The following MAGI1 variants were observed in gnomAD, a reference collection of about 807,000 sequenced individuals.
The protein encoded by MAGI1 is membrane-associated guanylate kinase, WW and PDZ domain-containing protein 1.
Under a neutral mutation model 139.9 loss-of-function variants are expected in MAGI1, and 58 were observed. The ratio of observed to expected loss-of-function variants is 0.41; its 90% CI spans 0.34 to 0.52. The LOEUF (loss-of-function observed/expected upper bound fraction) is 0.52, where lower values mean the gene tolerates loss of function less well. MAGI1 is among the 20% of genes least tolerant of loss of function. The pLI, the probability that MAGI1 is intolerant of heterozygous loss-of-function variation, is 0.12. For synonymous variants in MAGI1, 812 were observed against 737.9 expected (o/e 1.10, Z -1.63); for missense variants, 1,874 against 1,901.6 (o/e 0.99, Z 0.27).
At chr3:65,976,641 A>AC (rs1196483809) in intron 1 of MAGI1, among the ~76,000 whole-genome samples, 1 of 152,130 alleles carries the variant, frequency 6.6e-6, no homozygotes, top group African/African-American at 2.4e-5. Flanking sequence ...AAACAAACAA[A>AC]AAAAAGACCT....
At chr3:65,779,628 A>C (rs2038768966) in intron 1 of MAGI1, among the ~76,000 whole-genome samples, 1 of 152,238 alleles carries the variant, frequency 6.6e-6, no homozygotes, top group Non-Finnish European at 1.5e-5. Flanking sequence ...TTCCCAGAAA[A>C]ACTCAACTAA....
chr3:65,779,160 C>T (rs1396944704), intron 1 of MAGI1, among the ~76,000 whole-genome samples: 1 of 152,210 alleles, frequency 6.6e-6, no homozygotes, highest in Non-Finnish European at 1.5e-5. Flanking sequence ...ACAGGAATAA[C>T]CACTTAGCCT....
chr3:65,389,505 G>T (rs1456372849), intron 14 of MAGI1, among the ~76,000 whole-genome samples: 2 of 152,178 alleles, frequency 1.3e-5, no homozygotes, highest in East Asian at 3.9e-4. Flanking sequence ...ATTAACTGAA[G>T]TTGGGCCATT....
chr3:65,654,011 A>G (rs530374750), intron 1 of MAGI1, among the ~76,000 whole-genome samples: 12 of 152,286 alleles, frequency 7.9e-5, no homozygotes, highest in Non-Finnish European at 1.5e-4. Flanking sequence ...GTGAACAGGA[A>G]TATCTCTGGA....
At position 65,851,487 on chromosome 3, in the gene MAGI1, G is replaced by A. The variant is rs185640868; in HGVS notation, c.313+186509C>T. Among the ~76,000 whole-genome samples, 10 of 151,918 alleles carry A rather than the reference G, an allele frequency of 6.6e-5. No individual in the cohort carries two copies. In the East Asian group the frequency reaches 1.4e-3, roughly 21 times the overall value. The stretch of plus-strand genomic sequence containing the variant: ...TAGGTTGCCAGGCGCGGTGGCTCAC[G>A]CCTCTAATCCTAGCACTTTGGGAGG... On this transcript the variant is annotated intron_variant, in intron 1 of 22. Coordinates refer to ENST00000402939, the MANE Select transcript of MAGI1 (RefSeq NM_001033057.2).
At chr3:65,470,535 A>AT (rs397705804) in intron 4 of MAGI1, 51 bp from the exon 5 acceptor site, 1 of 1,280,134 alleles carries the variant, frequency 7.8e-7, no homozygotes, top group Non-Finnish European at 1.1e-6. Context: ...AAAAAAAAAA[A>AT]TGGTATTCAG....
chr3:65,833,541 C>T (rs1471217081), intron 1 of MAGI1, among the ~76,000 whole-genome samples: 1 of 152,200 alleles, frequency 6.6e-6, no homozygotes, highest in Non-Finnish European at 1.5e-5. Context: ...TGAACTTTCA[C>T]TGAATGTGCA....
intron 1 of MAGI1, among the ~76,000 whole-genome samples, chr3:65,730,232 G>C (rs1001803128): frequency 6.6e-6 from 1 of 152,050 alleles, no homozygotes; most frequent in Admixed American, 6.5e-5. Flanking sequence ...ACAGTTAGTG[G>C]CTTATTTATC....
chr3:65,910,853 G>T (rs1209858724), intron 1 of MAGI1, among the ~76,000 whole-genome samples: 1 of 14,852 alleles, frequency 6.7e-5, no homozygotes, highest in South Asian at 4.2e-3. Context: ...AGACATGGTG[G>T]ACTTTTTTTT....
Position 65,454,526 on chromosome 3 carries a change from T to TACAATA in MAGI1, c.960-1187_960-1186insTATTGT, listed in dbSNP as rs1553646589. ...TGCACATGTACCCTAAAACTGAAAG[T>TACAATA]ATAATAATAATAATAATAATAATAA... is the stretch of plus-strand genomic sequence containing the variant. On this transcript the variant is annotated intron_variant, in intron 5 of 22. Transcript: ENST00000402939. 2.5e-3 allele frequency among the ~76,000 whole-genome samples: 209 copies of TACAATA among 83,102 alleles called. 4 individuals carry two copies. Among genetic ancestry groups the TACAATA allele is most frequent in the East Asian group, 0.019 (85 of 4,564 alleles). 54.5% of individuals were successfully genotyped at this position (83,102 alleles called of 152,430 possible). A position where few individuals can be genotyped will look rare whatever the true frequency, so the allele number is the denominator to read the frequency against.
chr3:65,737,888 AC>A (rs1234190076), intron 1 of MAGI1, among the ~76,000 whole-genome samples: 1 of 152,138 alleles, frequency 6.6e-6, no homozygotes, highest in Admixed American at 6.5e-5. Flanking sequence ...CTCTCTCCAC[AC>A]ACACACACGC....
At chr3:65,746,641 C>A (rs569981797) in intron 1 of MAGI1, among the ~76,000 whole-genome samples, 9 of 152,118 alleles carry the variant, frequency 5.9e-5, no homozygotes, top group South Asian at 2.1e-4. Flanking sequence ...CTAGTGAGCA[C>A]AAACTACCCT....
At chr3:65,884,227 C>T (rs1404509092) in intron 1 of MAGI1, among the ~76,000 whole-genome samples, 1 of 152,166 alleles carries the variant, frequency 6.6e-6, no homozygotes, top group Non-Finnish European at 1.5e-5. Flanking sequence ...CAACTCTCTC[C>T]ACCCTGCCAT....
chr3:66,007,568 G>A (rs921121726), intron 1 of MAGI1, among the ~76,000 whole-genome samples: 1 of 152,212 alleles, frequency 6.6e-6, no homozygotes, highest in Non-Finnish European at 1.5e-5. Flanking sequence ...AATGGTGCAA[G>A]GCTGAAGAGA....
chr3:65,867,904 C>T (rs545861320), intron 1 of MAGI1, among the ~76,000 whole-genome samples: 7 of 152,218 alleles, frequency 4.6e-5, no homozygotes, highest in African/African-American at 1.4e-4. Context: ...TCTGAGGAGG[C>T]GTCAGGTCTG....
chr3:65,864,459 C>A (rs2108456157), intron 1 of MAGI1, among the ~76,000 whole-genome samples: 1 of 152,314 alleles, frequency 6.6e-6, no homozygotes, highest in African/African-American at 2.4e-5. Flanking sequence ...TCACCAACTA[C>A]AAAAATGGCA....
intron 1 of MAGI1, among the ~76,000 whole-genome samples, chr3:65,891,884 TAA>T (rs2060766677): frequency 1.2e-5 from 1 of 85,854 alleles, no homozygotes; most frequent in African/African-American, 4.8e-5. Context: ...ACTTAAAGTA[TAA>T]TATATATATA....
chr3:65,908,002 C>T (rs996558746), intron 1 of MAGI1, among the ~76,000 whole-genome samples: 1 of 152,090 alleles, frequency 6.6e-6, no homozygotes. Context: ...GAAATTCTTA[C>T]GATTCATGGA....
intron 2 of MAGI1, chr3:65,549,619 G>T: frequency 6.5e-6 from 2 of 306,372 alleles, no homozygotes; most frequent in Non-Finnish European, 9.6e-6. Flanking sequence ...ACTCCGGGCT[G>T]CGGCTGGTAC....
Sources: gnomAD v4.1 joint callset for allele counts (sites outside exome capture counted in the v4.1 genomes callset) on GRCh38, gnomAD v4.1.1 for gene constraint, MANE v1.5 for transcripts, NCBI Gene and HGNC (gene_info 2026-07-23, HGNC 2026-07-21) for gene names.